Variants in NCOA6 observed in about 807,000 individuals in gnomAD.
The protein encoded by NCOA6 is NRC RAP250.
NCOA6 carries 49 observed loss-of-function variants against 171.4 expected under a neutral mutation model. The ratio of observed to expected loss-of-function variants is 0.29; its 90% CI spans 0.23 to 0.36. NCOA6 has a LOEUF of 0.36. Among genes scored for constraint, NCOA6 ranks in the 10% least tolerant of loss-of-function variants. The pLI, the probability that NCOA6 is intolerant of heterozygous loss-of-function variation, is 1.00. For synonymous variants in NCOA6, 910 were observed against 927.5 expected (o/e 0.98, Z 0.34); for missense variants, 2,248 against 2,554.5 (o/e 0.88, Z 2.59).
intron 1 of NCOA6, among the ~76,000 whole-genome samples, chr20:34,804,847 A>T (rs1029567568): frequency 2.6e-5 from 4 of 152,092 alleles, no homozygotes; most frequent in Non-Finnish European, 5.9e-5. Context: ...GGAACATTCA[A>T]AATCCTCTCT....
At chr20:34,716,837 A>G (rs929278715) in intron 14 of NCOA6, among the ~76,000 whole-genome samples, 2 of 152,176 alleles carry the variant, frequency 1.3e-5, no homozygotes, top group Non-Finnish European at 2.9e-5. Context: ...CTCCAAAGGT[A>G]AACACTTCTT....
At chr20:34,772,960 T>C (rs2077196356) in intron 4 of NCOA6, among the ~76,000 whole-genome samples, 2 of 152,196 alleles carry the variant, frequency 1.3e-5, no homozygotes, top group African/African-American at 4.8e-5. Flanking sequence ...ACTATACTGC[T>C]ATCATTCCCC....
chr20:34,743,163 TTGCTGCTGCTGC>T lies in NCOA6; in HGVS notation c.3081_3092del (p.Gln1029_Gln1032del), dbSNP rs112051697. 7.4e-6 allele frequency: 12 copies of T among 1,613,104 alleles called. No individual in the cohort carries two copies. Among genetic ancestry groups the T allele is most frequent in the African/African-American group, 5.3e-5 (4 of 74,854 alleles). On this transcript the variant is annotated inframe_deletion, in exon 11 of 15. Transcript: ENST00000359003. ...GCATCATGAGCATCATCATCATTTG[TTGCTGCTGCTGC>T]TGCTGCTGCTGAGACTGTGGCTGAC...
At chr20:34,781,997 C>G in intron 3 of NCOA6, 124 bp downstream of exon 3, 1 of 641,690 alleles carries the variant, frequency 1.6e-6, no homozygotes. Context: ...AATTCCACCT[C>G]TGTGCTTAAA....
At chr20:34,781,139 T>C (rs930781565) in intron 3 of NCOA6, among the ~76,000 whole-genome samples, 4 of 152,182 alleles carry the variant, frequency 2.6e-5, no homozygotes, top group African/African-American at 9.7e-5. Flanking sequence ...AATTGTATGC[T>C]AAATAACGCA....
chr20:34,754,909 T>G (rs780982873), intron 7 of NCOA6, 41 bp from the exon 8 acceptor site: 2 of 1,605,188 alleles, frequency 1.2e-6, no homozygotes, highest in Non-Finnish European at 1.7e-6. Flanking sequence ...CCTAGCAAAT[T>G]TATACTCTTG....
chr20:34,758,185 ATACAGAGCAAAATC>A, intron 6 of NCOA6, 81 bp from the exon 7 acceptor site: 1 of 1,506,638 alleles, frequency 6.6e-7, no homozygotes, highest in Non-Finnish European at 8.8e-7. Context: ...AATTCTGGAT[ATACAGAGCAAAATC>A]TGCTGGTACT....
chr20:34,810,137 C>T (rs1330304311), intron 1 of NCOA6, among the ~76,000 whole-genome samples: 1 of 152,078 alleles, frequency 6.6e-6, no homozygotes, highest in Non-Finnish European at 1.5e-5. Context: ...AATTTGTGTG[C>T]TTTTCTTTGT....
At chr20:34,729,375 A>T (rs1418271126) in intron 13 of NCOA6, among the ~76,000 whole-genome samples, 1 of 152,228 alleles carries the variant, frequency 6.6e-6, no homozygotes, top group Non-Finnish European at 1.5e-5. Flanking sequence ...TTTACTGGTG[A>T]GTTATTTTCT....
chr20:34,716,345 C>G (rs1017052493), intron 14 of NCOA6, among the ~76,000 whole-genome samples: 1 of 152,004 alleles, frequency 6.6e-6, no homozygotes, highest in Admixed American at 6.6e-5. Context: ...GAGTGATTTA[C>G]ACACAGAATG....
At chr20:34,715,714 G>T (rs1988474082) in intron 14 of NCOA6, among the ~76,000 whole-genome samples, 2 of 152,186 alleles carry the variant, frequency 1.3e-5, no homozygotes, top group Non-Finnish European at 1.5e-5. Context: ...GACTGACAAT[G>T]CTTTTGGTGA....
chr20:34,788,368 C>A (rs1288689768), intron 2 of NCOA6, among the ~76,000 whole-genome samples: 1 of 152,042 alleles, frequency 6.6e-6, no homozygotes, highest in Non-Finnish European at 1.5e-5. Context: ...CTGGCCTATA[C>A]CTACTTTTAA....
chr20:34,762,610 T>G (rs1290615204), intron 5 of NCOA6, among the ~76,000 whole-genome samples: 2 of 152,214 alleles, frequency 1.3e-5, no homozygotes, highest in East Asian at 3.8e-4. Context: ...CTGGTATCTT[T>G]AAAATGTCAG....
At chr20:34,780,613 G>C (rs1371778640) in intron 3 of NCOA6, among the ~76,000 whole-genome samples, 1 of 151,452 alleles carries the variant, frequency 6.6e-6, no homozygotes, top group Non-Finnish European at 1.5e-5. Context: ...ACCTCCCAAA[G>C]TGCTGGGATT....
rs112400111 is a variant in NCOA6, at chr20:34,803,980, T to TA, written c.-163-11418dup. The stretch of plus-strand genomic sequence containing the variant: ...CTGGGTGACAGGGAGAAACACCGTT[T>TA]AAAAAAAAAAACAAAAAACCGTCAT... On this transcript the variant is annotated intron_variant, in intron 1 of 14. Coordinates refer to ENST00000359003, the MANE Select transcript of NCOA6 (RefSeq NM_014071.5). Among the ~76,000 whole-genome samples the TA allele has an allele frequency of 4.6e-4, 55 of 119,792 alleles. 1 individual carries two copies. The highest frequency in any genetic ancestry group is 5.0e-4 in the Admixed American group (6 of 11,884). 78.6% of individuals were successfully genotyped at this position (119,792 alleles called of 152,430 possible). A position where few individuals can be genotyped will look rare whatever the true frequency, so the allele number is the denominator to read the frequency against.
rs965149569 is a variant in NCOA6, at chr20:34,817,205, A to G, written c.-164+8267T>C. Among the ~76,000 whole-genome samples the G allele has an allele frequency of 7.4e-5, 10 of 134,866 alleles. 2 individuals are homozygous for G. Among genetic ancestry groups the G allele is most frequent in the African/African-American group, 2.1e-4 (8 of 37,908 alleles). 88.5% of individuals were successfully genotyped at this position (134,866 alleles called of 152,430 possible). A position where few individuals can be genotyped will look rare whatever the true frequency, so the allele number is the denominator to read the frequency against. Reference sequence around the variant, plus strand: ...ACGGAACTGATATTCAACAGATTCAATATCAGTAAAGGAGCTGATTAATGG... The same window carrying G: ...ACGGAACTGATATTCAACAGATTCAGTATCAGTAAAGGAGCTGATTAATGG... On this transcript the variant is annotated intron_variant, in intron 1 of 14. Coordinates refer to ENST00000359003, the MANE Select transcript of NCOA6 (RefSeq NM_014071.5).
At chr20:34,718,181 T>C (rs1232262594) in intron 14 of NCOA6, among the ~76,000 whole-genome samples, 1 of 152,200 alleles carries the variant, frequency 6.6e-6, no homozygotes, top group Non-Finnish European at 1.5e-5. Context: ...GGATGTAAAC[T>C]TTCATACTTC....
chr20:34,784,887 C>T (rs2146237751), intron 2 of NCOA6, among the ~76,000 whole-genome samples: 1 of 152,184 alleles, frequency 6.6e-6, no homozygotes, highest in African/African-American at 2.4e-5. Context: ...TCGAGACCAG[C>T]CTGGTCAACA....
intron 1 of NCOA6, among the ~76,000 whole-genome samples, chr20:34,812,093 CA>C (rs934092975): frequency 3.4e-5 from 5 of 147,876 alleles, no homozygotes; most frequent in Non-Finnish European, 4.5e-5. Context: ...ACTAAAAATA[CA>C]AAAAAAAAAT....
Sources: allele counts gnomAD v4.1 joint callset (sites outside exome capture counted in the v4.1 genomes callset), GRCh38; gene constraint gnomAD v4.1.1; transcripts MANE v1.5; gene names NCBI Gene and HGNC (gene_info 2026-07-23, HGNC 2026-07-21).